The following DHX37 variants were observed in gnomAD, a reference collection of about 807,000 sequenced individuals.
DHX37 encodes DEAH-box helicase 37.
In DHX37, 52 loss-of-function variants were observed where a neutral mutation model predicts 134.3. That is an observed-to-expected ratio of 0.39 (90% CI 0.31 to 0.49). DHX37 has a LOEUF of 0.49. DHX37 is among the 20% of genes least tolerant of loss of function. DHX37 has a pLI of 0.93. For missense variants in DHX37, 1,344 were observed against 1,580.8 expected, an observed-to-expected ratio of 0.85 and a Z score of 2.54; for synonymous variants, 634 against 670.7, an observed-to-expected ratio of 0.95 and a Z score of 0.85.
At chr12:124,971,732 T>TC (rs1326763127) in intron 7 of DHX37, among the ~76,000 whole-genome samples, 1 of 151,992 alleles carries the variant, frequency 6.6e-6, no homozygotes, top group Non-Finnish European at 1.5e-5. Flanking sequence ...ACCTTTGCCA[T>TC]CCCCCTGGGA....
Position 124,957,112 on chromosome 12 carries a change from C to T in DHX37, c.2181G>A (p.Thr727=), listed in dbSNP as rs545209194. The T allele has an allele frequency of 2.0e-5, 30 of 1,492,200 alleles. No homozygotes were observed. Among genetic ancestry groups the T allele is most frequent in the Admixed American group, 4.9e-5 (2 of 40,408 alleles). 92.4% of individuals were successfully genotyped at this position (1,492,200 alleles called of 1,614,324 possible). The part of the protein sequence containing the change: ...VEKVINFPFP[T]PPSVEALLAA... ...CAAGAAGGGCTTCCACGGAGGGGGGCGTCGGGAAGGGGAAGTTGATGACCT... is the reference window on the plus strand; with the variant it reads ...CAAGAAGGGCTTCCACGGAGGGGGGTGTCGGGAAGGGGAAGTTGATGACCT... The change falls in exon 17 of 27, where the codon ACG becomes ACA. Residue 727 remains threonine (T), a synonymous_variant. Transcript: ENST00000308736.
At chr12:124,959,891 G>A (rs1217134216) in intron 16 of DHX37, among the ~76,000 whole-genome samples, 3 of 152,230 alleles carry the variant, frequency 2.0e-5, no homozygotes, top group African/African-American at 7.2e-5. Context: ...AACGCCCACA[G>A]GACAGCACGC....
At chr12:124,972,651 C>T (rs371710352) in intron 6 of DHX37, 52 bp from the exon 7 acceptor site, 113 of 1,584,258 alleles carry the variant, frequency 7.1e-5, no homozygotes, top group Admixed American at 1.3e-4. Flanking sequence ...CTGGGGCTGT[C>T]GCCACGGGGC....
chr12:124,989,037 G>A lies in DHX37; in HGVS notation c.-15C>T. ...AGCTTCCCCATGGCGACTAGGCCAG[G>A]GTGGGCGCTCCAGCGGCCGGACCAG... On this transcript the variant is annotated 5_prime_UTR_variant, in exon 1 of 27. Transcript: ENST00000308736. 2 of 1,348,806 alleles carry A rather than the reference G, an allele frequency of 1.5e-6. No homozygotes were observed. The highest frequency in any genetic ancestry group is 1.5e-5 in the African/African-American group (1 of 66,440). The allele number at this position is 1,348,806 out of a possible 1,614,324, so 83.6% of individuals were successfully genotyped here. A position where few individuals can be genotyped will look rare whatever the true frequency, so the allele number is the denominator to read the frequency against.
chr12:124,958,342 G>C (rs977633454), intron 16 of DHX37, among the ~76,000 whole-genome samples: 1 of 152,200 alleles, frequency 6.6e-6, no homozygotes, highest in Admixed American at 6.5e-5. Flanking sequence ...CTGCTCTGGA[G>C]CTGACTCAAG....
intron 8 of DHX37, among the ~76,000 whole-genome samples, chr12:124,970,763 G>A (rs1025895544): frequency 6.6e-6 from 1 of 152,228 alleles, no homozygotes; most frequent in African/African-American, 2.4e-5. Flanking sequence ...CAGGCTCATG[G>A]CACATGTGGA....
At chr12:124,957,198 C>A in intron 16 of DHX37, 63 bp from the exon 17 acceptor site, 1 of 1,410,960 alleles carries the variant, frequency 7.1e-7, no homozygotes. Context: ...GGTGCTCCTG[C>A]TCCGTCTGTG....
chr12:124,968,592 T>G lies in DHX37; in HGVS notation c.1350A>C (p.Glu450Asp). ...TCCGGAAGCACTCGCCACTGTAGTC[T>G]TCCAGCGGTGTCCGCTTGTTGAAAT... ...TVHFNKRTPL[E>D]DYSGECFRKV... The change falls in exon 10 of 27, where the codon GAA (glutamate) becomes GAC (aspartate). Residue 450 changes from glutamate (E) to aspartate (D), a missense_variant. Glu to Asp is a conservative substitution (Grantham distance 45). Around this residue, in one of 7 missense-constraint regions of DHX37, gnomAD observed 289 missense variants for 323.8 expected, o/e 0.89. Coordinates refer to ENST00000308736, the MANE Select transcript of DHX37 (RefSeq NM_032656.4). The G allele has an allele frequency of 6.2e-7, 1 of 1,614,138 alleles. No individual in the cohort carries two copies. Among genetic ancestry groups the G allele is most frequent in the Non-Finnish European group, 8.5e-7 (1 of 1,180,048 alleles).
chr12:124,967,033 G>T, intron 11 of DHX37, 90 bp downstream of exon 11: 1 of 1,545,470 alleles, frequency 6.5e-7, no homozygotes, highest in Non-Finnish European at 8.9e-7. Context: ...CCAGAGAGAA[G>T]CTCAGAGGCA....
chr12:124,965,087 C>T (rs2135945963), intron 13 of DHX37, 81 bp from the exon 14 acceptor site: 2 of 1,443,946 alleles, frequency 1.4e-6, no homozygotes, highest in South Asian at 1.3e-5. Flanking sequence ...GGCCCTGCAC[C>T]CCCAGGCTGC....
intron 15 of DHX37, among the ~76,000 whole-genome samples, chr12:124,961,191 C>CACACACACACATACACGTGT (rs1566331982): frequency 2.3e-5 from 1 of 42,894 alleles, no homozygotes; most frequent in Non-Finnish European, 4.2e-5. Flanking sequence ...CGCGCACGCA[C>CACACACACACATACACGTGT]ACACACACAT....
rs539016792 is a variant in DHX37, at chr12:124,952,935, G to A, written c.2696-365C>T. The A allele has an allele frequency of 1.3e-4, 21 of 159,396 alleles. No individual in the cohort carries two copies. The East Asian group carries it at 3.6e-3, about 27-fold the overall frequency. 9.9% of individuals were successfully genotyped at this position (159,396 alleles called of 1,614,324 possible). A position where few individuals can be genotyped will look rare whatever the true frequency, so the allele number is the denominator to read the frequency against. Reference sequence around the variant, plus strand: ...CGTTCAATACGGGAACAGGACAGCCGGCGGGTGCCCTGGCCTCATCCTTCC... The same window carrying A: ...CGTTCAATACGGGAACAGGACAGCCAGCGGGTGCCCTGGCCTCATCCTTCC... On this transcript the variant is annotated intron_variant, in intron 20 of 26. Transcript: ENST00000308736.
chr12:124,965,010 GA>G lies in DHX37; in HGVS notation c.1736-5del. ...AGGGAGGCATCCGGCTGCTCACCTG[GA>G]GGGAAAGCAGAGGTCACTGGCACCC... On this transcript the variant is annotated splice_polypyrimidine_tract_variant and splice_region_variant and intron_variant, in intron 13 of 26. Transcript: ENST00000308736. 6.3e-7 allele frequency: 1 copy of G among 1,591,826 alleles called. No individual in the cohort carries two copies. Among genetic ancestry groups the G allele is most frequent in the Admixed American group, 1.8e-5 (1 of 54,580 alleles).
chr12:124,978,850 T>A (rs774494628), intron 4 of DHX37, among the ~76,000 whole-genome samples: 1 of 151,570 alleles, frequency 6.6e-6, no homozygotes, highest in Non-Finnish European at 1.5e-5. Flanking sequence ...GAGGACCGCT[T>A]GAGCCCAGGA....
chr12:124,948,131 G>C lies in DHX37; in HGVS notation c.3341C>G (p.Ala1114Gly). Residue 1114 changes from alanine (A) to glycine (G), a missense_variant, in exon 26 of 27, where the codon GCT (alanine) becomes GGT (glycine). Around this residue, in one of 7 missense-constraint regions of DHX37, gnomAD observed 558 missense variants for 650.0 expected, o/e 0.86. Coordinates refer to ENST00000308736, the MANE Select transcript of DHX37 (RefSeq NM_032656.4). ...SLLRALVAEKADCHEALLAAW... is the reference protein window; with the variant it reads ...SLLRALVAEKGDCHEALLAAW... ...AGCCAGCAAGGCTTCATGGCAGTCA[G>C]CCTTCTCTGCAACCAGGGCTCGCAG... The C allele has an allele frequency of 6.2e-7, 1 of 1,614,232 alleles. No homozygotes were observed. Among genetic ancestry groups the C allele is most frequent in the South Asian group, 1.1e-5 (1 of 91,092 alleles).
In DHX37 at chr12:124,950,035, G is replaced by A. The variant is rs1376362879; in HGVS notation, c.3241C>T (p.Arg1081Trp). The change falls in exon 25 of 27, where the codon CGG becomes TGG. Residue 1081 changes from arginine to tryptophan, a missense_variant. Around this residue, in one of 7 missense-constraint regions of DHX37, gnomAD observed 558 missense variants for 650.0 expected, o/e 0.86. Coordinates refer to ENST00000308736, the MANE Select transcript of DHX37 (RefSeq NM_032656.4). ...GQVFRKLASY[R>W]SCLLSSPGTM... ...CCGGGGCTGGACAGCAGACAGCTCCGGTATGAGGCCAGCTTGCGGAAGACC... is the reference window on the plus strand; with the variant it reads ...CCGGGGCTGGACAGCAGACAGCTCCAGTATGAGGCCAGCTTGCGGAAGACC... 1 of 1,613,378 alleles carries A rather than the reference G, an allele frequency of 6.2e-7. No homozygotes were observed. Among genetic ancestry groups the A allele is most frequent in the Non-Finnish European group, 8.5e-7 (1 of 1,179,724 alleles).
Position 124,988,996 on chromosome 12 carries a change from GTTGT to G in DHX37, c.23_26del (p.Tyr8SerfsTer32). 7.3e-7 allele frequency: 1 copy of G among 1,371,216 alleles called. No individual in the cohort carries two copies. Among genetic ancestry groups the G allele is most frequent in the Non-Finnish European group, 9.5e-7 (1 of 1,054,798 alleles). 84.9% of individuals were successfully genotyped at this position (1,371,216 alleles called of 1,614,324 possible). On this transcript the variant is annotated frameshift_variant, in exon 1 of 27. Transcript: ENST00000308736. LOFTEE classifies it high-confidence loss of function. ...GGCCCGCCTGCTGGCGCCCCTTGAT[GTTGT>G]AGCGCCGGCGCAGCTTCCCCATGGC...
chr12:124,975,429 G>T lies in DHX37; in HGVS notation c.970C>A (p.Leu324Met), dbSNP rs754664449. 1 of 1,613,008 alleles carries T rather than the reference G, an allele frequency of 6.2e-7. No individual in the cohort carries two copies. The highest frequency in any genetic ancestry group is 1.1e-5 in the South Asian group (1 of 91,090). ...AAGTAGAGCCCTCACCGCTGGGACA[G>T]ATTCATCTCCTTGGCCACTCGCTGG... Reference protein sequence around the residue: ...MSQRVAKEMNLSQRVVSYQIR... With the variant: ...MSQRVAKEMNMSQRVVSYQIR... Residue 324 changes from leucine to methionine, a missense_variant, in exon 6 of 27, where the codon CTG (leucine) becomes ATG (methionine). Physicochemically the swap from Leu to Met is conservative, Grantham distance 15. Transcript: ENST00000308736.
Position 124,968,849 on chromosome 12 carries a change from C to T in DHX37, c.1293+18G>A. On this transcript the variant is annotated intron_variant, in intron 9 of 26. Transcript: ENST00000308736. ...TTGTGCCATCCAAGCTCACAGAGGA[C>T]ATGGGACCCTGTGTTACCTTGATGA... is the stretch of plus-strand genomic sequence containing the variant. 1.2e-6 allele frequency: 2 copies of T among 1,613,848 alleles called. No individual in the cohort carries two copies. The highest frequency in any genetic ancestry group is 2.2e-5 in the South Asian group (2 of 91,062).
Sources: allele counts gnomAD v4.1 joint callset (sites outside exome capture counted in the v4.1 genomes callset), GRCh38; gene constraint gnomAD v4.1.1; regional missense constraint gnomAD v4.1.1; transcripts MANE v1.5; gene names NCBI Gene and HGNC (gene_info 2026-07-23, HGNC 2026-07-21).